MAGI1: variants seen among roughly 807,000 people sequenced by gnomAD.
MAGI1 encodes the protein membrane associated guanylate kinase, WW and PDZ domain containing 1, also known as membrane-associated guanylate kinase, WW and PDZ domain-containing protein 1.
MAGI1 carries 58 observed loss-of-function variants against 139.9 expected under a neutral mutation model. The ratio of observed to expected loss-of-function variants is 0.41; its 90% CI spans 0.34 to 0.52. MAGI1 has a LOEUF of 0.52. Ranked by LOEUF, MAGI1 falls within the 20% of genes least tolerant of loss-of-function variation. The pLI is 0.12. For missense variants in MAGI1, 1,874 were observed against 1,901.6 expected (o/e 0.99, Z 0.27); for synonymous variants, 812 against 737.9 (o/e 1.10, Z -1.63).
intron 1 of MAGI1, among the ~76,000 whole-genome samples, chr3:65,804,818 C>CA (rs1259160760): frequency 6.6e-6 from 1 of 152,036 alleles, no homozygotes. Context: ...ACAAACCGGA[C>CA]AAAAACAATC....
chr3:65,401,524 T>C (rs1944894374), intron 12 of MAGI1, 54 bp from the exon 13 acceptor site: 3 of 1,595,302 alleles, frequency 1.9e-6, no homozygotes, highest in Non-Finnish European at 2.6e-6. Context: ...AGCATATAAA[T>C]GTTACCTTTT....
intron 12 of MAGI1, among the ~76,000 whole-genome samples, chr3:65,425,392 G>A (rs992227817): frequency 1.3e-5 from 2 of 152,044 alleles, no homozygotes; most frequent in Non-Finnish European, 2.9e-5. Flanking sequence ...GCAGAAGCCA[G>A]GATTTAAACT....
chr3:65,904,093 T>C (rs1171762856), intron 1 of MAGI1, among the ~76,000 whole-genome samples: 1 of 152,194 alleles, frequency 6.6e-6, no homozygotes, highest in Non-Finnish European at 1.5e-5. Flanking sequence ...ACAGACTACT[T>C]AATCTTTGAG....
intron 2 of MAGI1, among the ~76,000 whole-genome samples, chr3:65,592,973 T>C (rs76289102): frequency 0.021 from 3,205 of 152,234 alleles, 97 homozygotes; most frequent in African/African-American, 0.074. Context: ...GATGGGGCTA[T>C]GATTCCCCAG....
chr3:65,991,234 A>T (rs2066153370), intron 1 of MAGI1, among the ~76,000 whole-genome samples: 1 of 141,650 alleles, frequency 7.1e-6, no homozygotes, highest in African/African-American at 2.6e-5. Flanking sequence ...GGTTGCAATG[A>T]GCTGAGATCT....
intron 1 of MAGI1, among the ~76,000 whole-genome samples, chr3:65,626,729 T>G (rs575851564): frequency 1.5e-4 from 23 of 152,324 alleles, no homozygotes; most frequent in Admixed American, 9.8e-4. Context: ...TCCCCTCTAC[T>G]GCAGATGTGC....
chr3:65,444,482 T>C (rs1401032979), intron 7 of MAGI1, among the ~76,000 whole-genome samples: 1 of 152,152 alleles, frequency 6.6e-6, no homozygotes, highest in African/African-American at 2.4e-5. Flanking sequence ...CCATCTCTTT[T>C]CAAAATCTGC....
intron 1 of MAGI1, among the ~76,000 whole-genome samples, chr3:65,836,864 A>G (rs2042838490): frequency 6.6e-6 from 1 of 152,188 alleles, no homozygotes; most frequent in African/African-American, 2.4e-5. Context: ...TTGTGGAGCC[A>G]TCACTTTTGT....
intron 2 of MAGI1, among the ~76,000 whole-genome samples, chr3:65,586,384 A>G (rs2081679069): frequency 6.6e-6 from 1 of 152,154 alleles, no homozygotes; most frequent in South Asian, 2.1e-4. Flanking sequence ...GAAAGGATTG[A>G]CTACAAATGG....
At chr3:65,741,408 T>A (rs373160825) in intron 1 of MAGI1, among the ~76,000 whole-genome samples, 4 of 152,148 alleles carry the variant, frequency 2.6e-5, no homozygotes, top group African/African-American at 9.7e-5. Context: ...TCTCCTGACC[T>A]CCTGATCCGC....
intron 1 of MAGI1, among the ~76,000 whole-genome samples, chr3:65,933,953 C>T (rs2062925734): frequency 6.6e-6 from 1 of 151,946 alleles, no homozygotes; most frequent in African/African-American, 2.4e-5. Flanking sequence ...TGGTGAAACC[C>T]CATCTCTACT....
At chr3:65,769,195 G>A (rs2037747844) in intron 1 of MAGI1, among the ~76,000 whole-genome samples, 1 of 152,100 alleles carries the variant, frequency 6.6e-6, no homozygotes, top group Admixed American at 6.6e-5. Flanking sequence ...TAAATAATGA[G>A]TAGACAAAAC....
chr3:65,891,213 C>CAAA (rs1224604230), intron 1 of MAGI1, among the ~76,000 whole-genome samples: 21 of 113,616 alleles, frequency 1.8e-4, no homozygotes, highest in African/African-American at 9.4e-4. Flanking sequence ...GAAAAACACA[C>CAAA]ACAAAAAAAA....
intron 2 of MAGI1, among the ~76,000 whole-genome samples, chr3:65,607,057 A>AT (rs1262738396): frequency 6.6e-6 from 1 of 151,838 alleles, no homozygotes; most frequent in Non-Finnish European, 1.5e-5. Context: ...AGTCCCTATG[A>AT]TTTTTTTTCC....
chr3:65,747,907 G>A (rs1012017109), intron 1 of MAGI1, among the ~76,000 whole-genome samples: 37 of 152,214 alleles, frequency 2.4e-4, no homozygotes, highest in African/African-American at 8.2e-4. Flanking sequence ...GCCAGCGGGC[G>A]AGGCAGGGGT....
intron 1 of MAGI1, among the ~76,000 whole-genome samples, chr3:65,790,194 G>T (rs569880156): frequency 6.6e-6 from 1 of 152,250 alleles, no homozygotes; most frequent in African/African-American, 2.4e-5. Flanking sequence ...ACGTTTAAAA[G>T]CCAAGATGCA....
intron 1 of MAGI1, among the ~76,000 whole-genome samples, chr3:65,627,886 CAT>C (rs1576527946): frequency 6.6e-6 from 1 of 152,116 alleles, no homozygotes; most frequent in Admixed American, 6.5e-5. Context: ...TTCTCACCCA[CAT>C]GAGTTTACAG....
intron 1 of MAGI1, among the ~76,000 whole-genome samples, chr3:65,880,343 T>C (rs1459363545): frequency 2.0e-5 from 3 of 152,174 alleles, no homozygotes; most frequent in Non-Finnish European, 4.4e-5. Context: ...TGATGGCTGC[T>C]GTCATCATCA....
intron 1 of MAGI1, among the ~76,000 whole-genome samples, chr3:65,699,282 C>T (rs1391662673): frequency 7.8e-6 from 1 of 128,624 alleles, no homozygotes; most frequent in African/African-American, 3.2e-5. Flanking sequence ...GTTGGTGGGA[C>T]TGTAAACTAG....
Sources: gnomAD v4.1 joint callset for allele counts (sites outside exome capture counted in the v4.1 genomes callset) on GRCh38, gnomAD v4.1.1 for gene constraint, MANE v1.5 for transcripts, NCBI Gene and HGNC (gene_info 2026-07-23, HGNC 2026-07-21) for gene names.